STK10: variants seen among roughly 807,000 people sequenced by gnomAD.
The protein encoded by STK10 is serine/threonine kinase 10.
A neutral mutation model predicts 113.8 loss-of-function variants in STK10; 78 were observed. That is an observed-to-expected ratio of 0.69 (90% confidence interval 0.57 to 0.83). STK10 has a LOEUF of 0.83. Ranked by LOEUF, STK10 falls within the 40% of genes least tolerant of loss-of-function variation. STK10 has a pLI of 0.00. For synonymous variants in STK10, 465 were observed against 494.7 expected, an observed-to-expected ratio of 0.94 and a Z score of 0.80; for missense variants, 1,109 against 1,280.1, an observed-to-expected ratio of 0.87 and a Z score of 2.04.
intron 2 of STK10, 50 bp downstream of exon 2, chr5:172,156,574 A>G: frequency 1.9e-6 from 3 of 1,575,882 alleles, no homozygotes; most frequent in Non-Finnish European, 2.6e-6. Context: ...CTAGCTCCAG[A>G]GCACCAGGCC....
chr5:172,051,804 C>A (rs944000714), intron 18 of STK10, among the ~76,000 whole-genome samples: 7 of 152,164 alleles, frequency 4.6e-5, no homozygotes, highest in Middle Eastern at 3.4e-3. Flanking sequence ...CGTATCCATG[C>A]GAGTCAGCCA....
rs143184555 is a variant in STK10, at chr5:172,080,694, G to T, written c.1989+1632C>A. Among the ~76,000 whole-genome samples, 45 of 152,332 alleles carry T rather than the reference G, an allele frequency of 3.0e-4. 1 individual carries two copies. The highest frequency in any genetic ancestry group is 1.1e-3 in the African/African-American group (45 of 41,582). On this transcript the variant is annotated intron_variant, in intron 12 of 18. Coordinates refer to ENST00000176763, the MANE Select transcript of STK10 (RefSeq NM_005990.4). The stretch of plus-strand genomic sequence containing the variant: ...AGGCTGAGAGAGGTGAGGAAGCTGA[G>T]GAAGAAAGGCTGGAAGCTAGCAGAG...
At position 172,047,263 on chromosome 5, in the gene STK10, T is replaced by C. The variant is rs921447596; in HGVS notation, c.2767-2241A>G. Among the ~76,000 whole-genome samples the C allele has an allele frequency of 5.9e-5, 9 of 152,342 alleles. No individual in the cohort carries two copies. The East Asian group carries it at 7.7e-4, about 13-fold the overall frequency. ...GGCAGCCCCCACAGGCAAAGTCCAA[T>C]GCTGGCTTCCCAACTGCACACTCGT... On this transcript the variant is annotated intron_variant, in intron 18 of 18. Coordinates refer to ENST00000176763, the MANE Select transcript of STK10 (RefSeq NM_005990.4).
At chr5:172,078,947 C>CCACACA (rs57963957) in intron 12 of STK10, among the ~76,000 whole-genome samples, 78 of 144,730 alleles carry the variant, frequency 5.4e-4, no homozygotes, top group African/African-American at 9.1e-4. Context: ...TCTTATAAGT[C>CCACACA]CACACACACA....
At chr5:172,090,433 G>A in intron 9 of STK10, 71 bp from the exon 10 acceptor site, 1 of 1,569,740 alleles carries the variant, frequency 6.4e-7, no homozygotes, top group Non-Finnish European at 8.7e-7. Flanking sequence ...CAGCAGGTGA[G>A]GCCACAGCTC....
At position 172,090,495 on chromosome 5, in the gene STK10, G is replaced by A. The variant is rs573239875; in HGVS notation, c.1555-133C>T. The A allele has an allele frequency of 7.5e-5, 96 of 1,280,618 alleles. No individual in the cohort carries two copies. In the South Asian group the frequency reaches 1.1e-3, roughly 14 times the overall value. The allele number at this position is 1,280,618 out of a possible 1,614,324, so 79.3% of individuals were successfully genotyped here. Reference sequence around the variant, plus strand: ...CCCCAGAGAGATGTGGCCATCCATCGTCCCTCTTGCCTCAACTTAACCTAG... The same window carrying A: ...CCCCAGAGAGATGTGGCCATCCATCATCCCTCTTGCCTCAACTTAACCTAG... On this transcript the variant is annotated intron_variant, in intron 9 of 18. Transcript: ENST00000176763.
intron 1 of STK10, among the ~76,000 whole-genome samples, chr5:172,182,385 T>C (rs969090717): frequency 6.6e-6 from 1 of 151,816 alleles, no homozygotes; most frequent in Non-Finnish European, 1.5e-5. Context: ...TGTTTTGTTT[T>C]GTTTTGAGCC....
chr5:172,149,011 A>G (rs1338034341), intron 2 of STK10, among the ~76,000 whole-genome samples: 1 of 152,212 alleles, frequency 6.6e-6, no homozygotes, highest in Non-Finnish European at 1.5e-5. Flanking sequence ...TACAAAAAAT[A>G]CAAAAATTGT....
chr5:172,057,008 A>G (rs867006502), intron 15 of STK10: 7 of 133,426 alleles, frequency 5.2e-5, no homozygotes, highest in Non-Finnish European at 9.6e-5. Flanking sequence ...AAAGAAGGAA[A>G]GAAAGAAAGA....
intron 16 of STK10, among the ~76,000 whole-genome samples, chr5:172,055,276 C>T (rs962226920): frequency 6.6e-6 from 1 of 152,064 alleles, no homozygotes; most frequent in Non-Finnish European, 1.5e-5. Flanking sequence ...CTTGGCTCAC[C>T]GCAACCTCTG....
intron 12 of STK10, among the ~76,000 whole-genome samples, chr5:172,069,036 C>T (rs183800083): frequency 1.3e-5 from 2 of 151,748 alleles, no homozygotes; most frequent in East Asian, 3.9e-4. Context: ...TTATAATGCC[C>T]CAGAGCAACC....
intron 1 of STK10, among the ~76,000 whole-genome samples, chr5:172,181,506 A>C (rs1398875119): frequency 1.5e-5 from 2 of 134,524 alleles, no homozygotes; most frequent in African/African-American, 7.6e-5. Flanking sequence ...TTTTTGAGAC[A>C]GAGTCTCGCT....
chr5:172,188,194 AGTGTGCC>A lies in STK10; in HGVS notation c.-159_-153del, dbSNP rs2113851433. On this transcript the variant is annotated 5_prime_UTR_variant, in exon 1 of 19. Transcript: ENST00000176763. This position sits in a 1 kb window ranked among gnomAD's most constrained non-coding sequence, Gnocchi z 5.6. ...TTTCCCCGCAGCCCGACCTCGGTCA[AGTGTGCC>A]CTGGGCAGCGCCGCGCCGGGAGCAC... 8.9e-6 allele frequency: 12 copies of A among 1,347,416 alleles called. No individual in the cohort carries two copies. In the South Asian group the frequency reaches 1.8e-4, roughly 20 times the overall value. The allele number at this position is 1,347,416 out of a possible 1,614,324, so 83.5% of individuals were successfully genotyped here.
Position 172,135,398 on chromosome 5 carries a change from G to A in STK10, c.322-7977C>T, listed in dbSNP as rs138083619. Among the ~76,000 whole-genome samples the A allele has an allele frequency of 3.5e-3, 535 of 152,236 alleles. 3 individuals are homozygous for A. The highest frequency in any genetic ancestry group is 0.012 in the African/African-American group (509 of 41,534). On this transcript the variant is annotated intron_variant, in intron 2 of 18. Transcript: ENST00000176763. ...GTGGTGGCACACGCCTGTAGTCCCA[G>A]TTACTTAGGAGGCTGAGACAAAAGA...
chr5:172,137,760 G>T (rs1437212410), intron 2 of STK10, among the ~76,000 whole-genome samples: 1 of 150,714 alleles, frequency 6.6e-6, no homozygotes, highest in African/African-American at 2.4e-5. Flanking sequence ...GGGCGTGGTG[G>T]CGGGCGCCTG....
At chr5:172,049,703 G>C (rs1241656901) in intron 18 of STK10, among the ~76,000 whole-genome samples, 1 of 152,212 alleles carries the variant, frequency 6.6e-6, no homozygotes, top group Non-Finnish European at 1.5e-5. Context: ...TGGTACAAAA[G>C]CAATGATGGG....
intron 7 of STK10, among the ~76,000 whole-genome samples, chr5:172,096,894 A>G (rs1464637321): frequency 6.6e-6 from 1 of 152,248 alleles, no homozygotes; most frequent in Non-Finnish European, 1.5e-5. Flanking sequence ...GAAAATGCTT[A>G]GCCCAAAGTA....
At chr5:172,073,793 C>CAAAAAAAAAAA (rs60492751) in intron 12 of STK10, among the ~76,000 whole-genome samples, 1 of 58,450 alleles carries the variant, frequency 1.7e-5, no homozygotes, top group Non-Finnish European at 3.6e-5. Flanking sequence ...CTAAAAATAG[C>CAAAAAAAAAAA]AAAAAAAAAA....
intron 2 of STK10, among the ~76,000 whole-genome samples, chr5:172,152,418 C>T (rs547273415): frequency 1.3e-5 from 2 of 152,202 alleles, no homozygotes; most frequent in Non-Finnish European, 2.9e-5. Context: ...CAAAATCTGG[C>T]TCAGGGCTGG....
Sources: allele counts gnomAD v4.1 joint callset (sites outside exome capture counted in the v4.1 genomes callset), GRCh38; gene constraint gnomAD v4.1.1; non-coding constraint Gnocchi (gnomAD v3.1); transcripts MANE v1.5; gene names NCBI Gene and HGNC (gene_info 2026-07-23, HGNC 2026-07-21).